Variants in TECTA observed in about 807,000 individuals in gnomAD.
The protein encoded by TECTA is tectorin alpha, also known as alpha-tectorin.
A neutral mutation model predicts 216.8 loss-of-function variants in TECTA; 128 were observed. That is an observed-to-expected ratio of 0.59 (90% CI 0.51 to 0.68). The LOEUF is 0.68. TECTA is among the 30% of genes least tolerant of loss of function. TECTA has a pLI of 0.00. For missense variants in TECTA, 2,551 were observed against 2,786.2 expected (o/e 0.92, Z 1.90); for synonymous variants, 1,089 against 1,117.1 (o/e 0.97, Z 0.50).
Position 121,105,201 on chromosome 11 carries a change from C to A in TECTA, c.65-630C>A, listed in dbSNP as rs1946379976. ...TCTCTCCAAAGAGTTCTCAAGGACCCAACCCTCTGACCCCGGAGGATCTCA... is the reference window on the plus strand; with the variant it reads ...TCTCTCCAAAGAGTTCTCAAGGACCAAACCCTCTGACCCCGGAGGATCTCA... On this transcript the variant is annotated intron_variant, in intron 2 of 23. Coordinates refer to ENST00000392793, the MANE Select transcript of TECTA (RefSeq NM_005422.4). The surrounding 1 kb of genome is among the most constrained non-coding windows in gnomAD (Gnocchi z 5.3). Among the ~76,000 whole-genome samples, 1 of 152,194 alleles carries A rather than the reference C, an allele frequency of 6.6e-6. No homozygotes were observed. The highest frequency in any genetic ancestry group is 1.5e-5 in the Non-Finnish European group (1 of 68,038).
intron 22 of TECTA, 48 bp from the exon 23 acceptor site, chr11:121,189,716 G>A (rs1293416232): frequency 6.4e-7 from 1 of 1,555,630 alleles, no homozygotes; most frequent in Admixed American, 1.7e-5. Flanking sequence ...AATACCAGTG[G>A]AAGGGTTGAA....
At chr11:121,166,525 C>T (rs1947054400) in intron 17 of TECTA, 53 bp from the exon 18 acceptor site, 2 of 1,591,032 alleles carry the variant, frequency 1.3e-6, no homozygotes, top group African/African-American at 2.7e-5. Context: ...GCTCCCACTC[C>T]TGCAGCAAGA....
intron 20 of TECTA, among the ~76,000 whole-genome samples, chr11:121,173,852 C>A (rs1211496072): frequency 6.6e-6 from 1 of 152,006 alleles, no homozygotes; most frequent in Non-Finnish European, 1.5e-5. Context: ...TGTTTGTATC[C>A]TCTTTTATTT....
intron 15 of TECTA, 27 bp from the exon 16 acceptor site, chr11:121,162,048 T>A (rs1947005064): frequency 9.3e-6 from 15 of 1,613,168 alleles, no homozygotes; most frequent in Non-Finnish European, 1.3e-5. Context: ...CTCAGATGGC[T>A]GTTTTTGCTT....
intron 1 of TECTA, among the ~76,000 whole-genome samples, chr11:121,102,252 A>C (rs916606183): frequency 6.6e-6 from 1 of 152,160 alleles, no homozygotes; most frequent in Non-Finnish European, 1.5e-5. Flanking sequence ...AAAATTAGGA[A>C]ATCCAGGTCT....
At chr11:121,185,247 T>C (rs1365436246) in intron 20 of TECTA, among the ~76,000 whole-genome samples, 2 of 152,258 alleles carry the variant, frequency 1.3e-5, no homozygotes, top group East Asian at 3.8e-4. Context: ...ATTATTGTTT[T>C]TTTCCAGTGC....
At chr11:121,177,428 G>A (rs1025034254) in intron 20 of TECTA, among the ~76,000 whole-genome samples, 1 of 152,212 alleles carries the variant, frequency 6.6e-6, no homozygotes, top group African/African-American at 2.4e-5. Context: ...ATTGGAGTTT[G>A]CTAGAGGTCC....
At chr11:121,116,540 C>T (rs916270277) in intron 6 of TECTA, among the ~76,000 whole-genome samples, 9 of 152,204 alleles carry the variant, frequency 5.9e-5, no homozygotes, top group African/African-American at 1.9e-4. Context: ...CATTCTTTTC[C>T]TCCTGAGTTA....
intron 10 of TECTA, among the ~76,000 whole-genome samples, chr11:121,132,555 G>A (rs904963853): frequency 6.6e-6 from 1 of 152,078 alleles, no homozygotes; most frequent in Admixed American, 6.5e-5. Flanking sequence ...TTCCTTAGTG[G>A]AGAGAGTGAG....
intron 20 of TECTA, among the ~76,000 whole-genome samples, chr11:121,179,301 T>C (rs960398036): frequency 6.6e-6 from 1 of 152,162 alleles, no homozygotes. Flanking sequence ...CAGTGCTTGT[T>C]CAGGAGCATG....
rs112909597 is a variant in TECTA at position 121,138,130 on chromosome 11, C to A, written c.3543+108C>A. ...GGCAGGTCCGGAATCCAAAGAAAAT[C>A]TTAGTATATTAAAGCAGAGAGAGGC... On this transcript the variant is annotated intron_variant, in intron 11 of 23. Coordinates refer to ENST00000392793, the MANE Select transcript of TECTA (RefSeq NM_005422.4). The A allele has an allele frequency of 3.4e-3, 5,015 of 1,495,212 alleles. 56 individuals carry two copies. The Middle Eastern group carries it at 0.043, about 13-fold the overall frequency. 92.6% of individuals were successfully genotyped at this position (1,495,212 alleles called of 1,614,324 possible).
rs758423137 is a variant in TECTA at position 121,125,522 on chromosome 11, C to T, written c.1424C>T (p.Pro475Leu). 1.2e-5 allele frequency: 20 copies of T among 1,614,082 alleles called. No individual in the cohort carries two copies. Among genetic ancestry groups the T allele is most frequent in the East Asian group, 4.5e-5 (2 of 44,902 alleles). Residue 475 changes from proline to leucine, a missense_variant, in exon 8 of 24, where the codon CCG (proline) becomes CTG (leucine). This residue lies in a region of TECTA where 2,375 missense variants were observed against 2,563.9 expected (regional missense o/e 0.93). Coordinates refer to ENST00000392793, the MANE Select transcript of TECTA (RefSeq NM_005422.4). ...NKNPLDDFLR[P>L]DGRPAMSVLD... ...AACCCACTGGATGACTTCCTCCGCCCGGATGGCAGGCCGGCCATGTCTGTC... is the reference window on the plus strand; with the variant it reads ...AACCCACTGGATGACTTCCTCCGCCTGGATGGCAGGCCGGCCATGTCTGTC...
Position 121,139,645 on chromosome 11 carries a change from G to A in TECTA, c.3543+1623G>A, listed in dbSNP as rs576427586. Among the ~76,000 whole-genome samples the A allele has an allele frequency of 6.6e-5, 10 of 152,006 alleles. No homozygotes were observed. In the East Asian group the frequency reaches 1.9e-3, roughly 29 times the overall value. On this transcript the variant is annotated intron_variant, in intron 11 of 23. Transcript: ENST00000392793. ...GCGGAGATTGCAGTGAGGCAAGATT[G>A]CGCCATTGCACTCCAGCCTGGACGA... is the stretch of plus-strand genomic sequence containing the variant.
At chr11:121,162,615 G>A (rs1947012919) in intron 16 of TECTA, among the ~76,000 whole-genome samples, 1 of 152,200 alleles carries the variant, frequency 6.6e-6, no homozygotes, top group South Asian at 2.1e-4. Flanking sequence ...TGGGAAGATG[G>A]GGCTCTCTGG....
At chr11:121,184,346 C>T (rs1228009992) in intron 20 of TECTA, among the ~76,000 whole-genome samples, 1 of 152,212 alleles carries the variant, frequency 6.6e-6, no homozygotes, top group African/African-American at 2.4e-5. Flanking sequence ...CCTAGACTCA[C>T]ATTCTTATAG....
At position 121,125,868 on chromosome 11, in the gene TECTA, G is replaced by C. The variant is rs1046688850; in HGVS notation, c.1770G>C (p.Gly590=). Residue 590 remains glycine, a synonymous_variant, in exon 8 of 24, where the codon GGG becomes GGC. Coordinates refer to ENST00000392793, the MANE Select transcript of TECTA (RefSeq NM_005422.4). ...IPIGDWRTQT[G]CVSTVQCPSF... ...TTGGAGACTGGCGAACCCAGACTGG[G>C]TGTGGTAAGCTGGCATCCCATCCCC... The C allele has an allele frequency of 1.2e-6, 2 of 1,607,294 alleles. No individual in the cohort carries two copies. Among genetic ancestry groups the C allele is most frequent in the Non-Finnish European group, 8.5e-7 (1 of 1,179,986 alleles).
At chr11:121,163,826 G>T (rs947326304) in intron 16 of TECTA, among the ~76,000 whole-genome samples, 1 of 152,170 alleles carries the variant, frequency 6.6e-6, no homozygotes, top group Non-Finnish European at 1.5e-5. Context: ...TCTTTCTGTT[G>T]TTTGTCATTC....
At chr11:121,150,647 T>A (rs1413435225) in intron 12 of TECTA, among the ~76,000 whole-genome samples, 1 of 56,992 alleles carries the variant, frequency 1.8e-5, no homozygotes, top group Non-Finnish European at 3.3e-5. Context: ...ATTTTAATTT[T>A]TTTTTTTTTT....
In TECTA at chr11:121,162,144, C is replaced by T. The variant is rs200367148; in HGVS notation, c.5046C>T (p.Ile1682=). Residue 1682 remains isoleucine, a synonymous_variant, in exon 16 of 24, where the codon ATC becomes ATT. Transcript: ENST00000392793. ...CAGCCATGTGTGACAATGTGCACAT[C>T]CAGAAGATGCAGGGTGATGGCTACT... ...QYAAMCDNVH[I]QKMQGDGYCL... 144 of 1,614,064 alleles carry T rather than the reference C, an allele frequency of 8.9e-5. No individual in the cohort carries two copies. Among genetic ancestry groups the T allele is most frequent in the Non-Finnish European group, 1.2e-4 (140 of 1,180,052 alleles).
Sources: gnomAD v4.1 joint callset for allele counts (sites outside exome capture counted in the v4.1 genomes callset) on GRCh38, gnomAD v4.1.1 for gene constraint, gnomAD v4.1.1 regional missense constraint, Gnocchi (gnomAD v3.1) non-coding constraint, MANE v1.5 for transcripts, NCBI Gene and HGNC (gene_info 2026-07-23, HGNC 2026-07-21) for gene names.